PDE7B: variants seen among roughly 807,000 people sequenced by gnomAD.
PDE7B encodes the protein 3',5'-cyclic-AMP phosphodiesterase 7B.
A neutral mutation model predicts 56.2 loss-of-function variants in PDE7B; 29 were observed. That is an observed-to-expected ratio of 0.52 (90% CI 0.38 to 0.70). The LOEUF is 0.70. Ranked by LOEUF, PDE7B falls within the 30% of genes least tolerant of loss-of-function variation. The pLI is 0.00. For missense variants in PDE7B, 490 were observed against 565.0 expected (o/e 0.87, Z 1.35); for synonymous variants, 197 against 196.9 (o/e 1.00, Z 0.00).
intron 1 of PDE7B, among the ~76,000 whole-genome samples, chr6:135,945,395 T>A (rs980175818): frequency 4.6e-5 from 7 of 152,182 alleles, no homozygotes; most frequent in African/African-American, 1.7e-4. Context: ...ACCCTTAATC[T>A]GTATCCAACC....
chr6:136,022,983 C>G (rs940182730), intron 2 of PDE7B, among the ~76,000 whole-genome samples: 2 of 151,820 alleles, frequency 1.3e-5, no homozygotes, highest in Admixed American at 6.6e-5. Context: ...GAGAGAGAAA[C>G]AGAAGGGTCT....
intron 2 of PDE7B, among the ~76,000 whole-genome samples, chr6:136,007,527 A>G (rs970470634): frequency 8.5e-5 from 13 of 152,056 alleles, no homozygotes; most frequent in Non-Finnish European, 4.4e-5. Context: ...AAGTTACTTA[A>G]TCTCTCCTAA....
intron 8 of PDE7B, among the ~76,000 whole-genome samples, chr6:136,170,974 G>C (rs969429275): frequency 5.3e-5 from 8 of 152,080 alleles, no homozygotes; most frequent in Admixed American, 5.2e-4. Flanking sequence ...TCAAACCATA[G>C]CAACTATCCT....
At chr6:136,127,851 G>A (rs191207992) in intron 3 of PDE7B, among the ~76,000 whole-genome samples, 12 of 152,242 alleles carry the variant, frequency 7.9e-5, no homozygotes, top group Non-Finnish European at 1.8e-4. Flanking sequence ...TGGGGTGAAC[G>A]CAAAAGAGAA....
chr6:135,882,250 G>A (rs1013261596), intron 1 of PDE7B, among the ~76,000 whole-genome samples: 4 of 152,124 alleles, frequency 2.6e-5, no homozygotes, highest in South Asian at 2.1e-4. Flanking sequence ...CCCCCGCTGA[G>A]AACAAAGACT....
intron 1 of PDE7B, among the ~76,000 whole-genome samples, chr6:135,891,959 C>T (rs1386544560): frequency 2.0e-5 from 3 of 152,010 alleles, no homozygotes; most frequent in African/African-American, 2.4e-5. Context: ...TAGAAGAGCA[C>T]ATGGTCTATA....
chr6:136,003,579 T>C lies in PDE7B; in HGVS notation c.82+56055T>C, dbSNP rs909967855. ...TCAGAGAATACTACAAACACCTCTATGCAAATAAACTAGAAAATCTAGAAG... is the reference window on the plus strand; with the variant it reads ...TCAGAGAATACTACAAACACCTCTACGCAAATAAACTAGAAAATCTAGAAG... On this transcript the variant is annotated intron_variant, in intron 2 of 12. Transcript: ENST00000308191. 6.5e-4 allele frequency among the ~76,000 whole-genome samples: 99 copies of C among 152,214 alleles called. 2 individuals carry two copies. In the East Asian group the frequency reaches 0.011, roughly 17 times the overall value.
chr6:135,948,717 G>A (rs1291051592), intron 2 of PDE7B, among the ~76,000 whole-genome samples: 1 of 151,672 alleles, frequency 6.6e-6, no homozygotes, highest in Non-Finnish European at 1.5e-5. Flanking sequence ...AAAAATGAAC[G>A]TTTTACTAGA....
chr6:136,074,139 A>G (rs1777092507), intron 2 of PDE7B, among the ~76,000 whole-genome samples: 1 of 152,018 alleles, frequency 6.6e-6, no homozygotes. Flanking sequence ...TACCTGAGGT[A>G]AAAGAATCAT....
chr6:136,007,415 G>C (rs1475872385), intron 2 of PDE7B, among the ~76,000 whole-genome samples: 27 of 151,970 alleles, frequency 1.8e-4, no homozygotes, highest in Admixed American at 1.7e-3. Context: ...GGATGAAATG[G>C]GCCTCATAGA....
chr6:136,160,893 G>A (rs992763685), intron 8 of PDE7B, among the ~76,000 whole-genome samples: 2 of 151,936 alleles, frequency 1.3e-5, no homozygotes, highest in Non-Finnish European at 2.9e-5. Flanking sequence ...TATAGAAGAT[G>A]AACAAAACAA....
chr6:135,992,586 TA>T (rs1775496207), intron 2 of PDE7B, among the ~76,000 whole-genome samples: 1 of 152,194 alleles, frequency 6.6e-6, no homozygotes, highest in Non-Finnish European at 1.5e-5. Context: ...TCCAAGTTTT[TA>T]TGCATTAGAA....
At position 136,108,698 on chromosome 6, in the gene PDE7B, T is replaced by C. The variant is rs781556515; in HGVS notation, c.83-33T>C. The C allele has an allele frequency of 2.2e-5, 31 of 1,418,478 alleles. No homozygotes were observed. The Admixed American group carries it at 4.9e-4, about 22-fold the overall frequency. The allele number at this position is 1,418,478 out of a possible 1,614,324, so 87.9% of individuals were successfully genotyped here. On this transcript the variant is annotated intron_variant, in intron 2 of 12. Transcript: ENST00000308191. The stretch of plus-strand genomic sequence containing the variant: ...AAAAGTGAATGCACGTGGCAATGTT[T>C]TCAAGCCTTTGTTTGGATTTTCTGT...
rs1404954510 is a variant in PDE7B at position 135,935,186 on chromosome 6, T to TTTTATA, written c.22-12277_22-12276insTTATAT. Among the ~76,000 whole-genome samples, 7 of 38,376 alleles carry TTTTATA rather than the reference T, an allele frequency of 1.8e-4. 1 individual carries two copies. The highest frequency in any genetic ancestry group is 2.1e-3 in the East Asian group (2 of 940). 25.2% of individuals were successfully genotyped at this position (38,376 alleles called of 152,430 possible). A position where few individuals can be genotyped will look rare whatever the true frequency, so the allele number is the denominator to read the frequency against. ...GACAGAGAATTTTATATATATATAT[T>TTTTATA]TATTTATATATATATATATATATAT... On this transcript the variant is annotated intron_variant, in intron 1 of 12. Transcript: ENST00000308191.
intron 3 of PDE7B, among the ~76,000 whole-genome samples, chr6:136,144,504 T>A (rs1280016711): frequency 1.3e-5 from 2 of 152,172 alleles, no homozygotes; most frequent in African/African-American, 4.8e-5. Context: ...ATGTCAACAT[T>A]CAAGTTTTGA....
chr6:135,971,117 A>C (rs763271579), intron 2 of PDE7B, among the ~76,000 whole-genome samples: 1 of 152,126 alleles, frequency 6.6e-6, no homozygotes, highest in Non-Finnish European at 1.5e-5. Flanking sequence ...TTACAGAGGT[A>C]ATCAAGTTAA....
intron 3 of PDE7B, chr6:136,115,029 T>C (rs1019870833): frequency 2.0e-5 from 3 of 152,166 alleles, no homozygotes; most frequent in Non-Finnish European, 4.4e-5. Context: ...CTCTCCCTAT[T>C]ACTACCCCTC....
At chr6:135,852,907 C>CA (rs1362828492) in intron 1 of PDE7B, among the ~76,000 whole-genome samples, 1 of 152,156 alleles carries the variant, frequency 6.6e-6, no homozygotes, top group Non-Finnish European at 1.5e-5. Context: ...CAGAGACAGG[C>CA]ATAGGCATTC....
chr6:136,183,711 C>A (rs916332341), intron 11 of PDE7B, among the ~76,000 whole-genome samples: 3 of 151,692 alleles, frequency 2.0e-5, no homozygotes, highest in Non-Finnish European at 4.4e-5. Context: ...TGACTTGTGT[C>A]ATTTTGATTT....
Sources: gnomAD v4.1 joint callset for allele counts (sites outside exome capture counted in the v4.1 genomes callset) on GRCh38, gnomAD v4.1.1 for gene constraint, MANE v1.5 for transcripts, NCBI Gene and HGNC (gene_info 2026-07-23, HGNC 2026-07-21) for gene names.